The following PRUNE2 variants were observed in gnomAD, a reference collection of about 807,000 sequenced individuals.
PRUNE2 encodes protein prune homolog 2.
Under a neutral mutation model 252.0 loss-of-function variants are expected in PRUNE2, and 164 were observed. That is an observed-to-expected ratio of 0.65 (90% CI 0.57 to 0.74). The LOEUF (loss-of-function observed/expected upper bound fraction) is 0.74, where lower values mean the gene tolerates loss of function less well. Among genes scored for constraint, PRUNE2 ranks in the 30% least tolerant of loss-of-function variants. PRUNE2 has a pLI of 0.00. For synonymous variants in PRUNE2, 1,292 were observed against 1,350.2 expected (o/e 0.96, Z 0.94); for missense variants, 3,495 against 3,711.0 (o/e 0.94, Z 1.51).
At position 76,629,305 on chromosome 9, in the gene PRUNE2, A is replaced by G. The variant is rs1225077744; in HGVS notation, c.9051-15T>C. 4 of 1,356,650 alleles carry G rather than the reference A, an allele frequency of 2.9e-6. No homozygotes were observed. The highest frequency in any genetic ancestry group is 3.0e-5 in the African/African-American group (2 of 65,714). The allele number at this position is 1,356,650 out of a possible 1,614,324, so 84.0% of individuals were successfully genotyped here. Reference sequence around the variant, plus strand: ...TGAATTTTGAACTAAAAAAAAAAAAAAGAAAAAAATATGTATCATTAGTCA... The same window carrying G: ...TGAATTTTGAACTAAAAAAAAAAAAGAGAAAAAAATATGTATCATTAGTCA... On this transcript the variant is annotated splice_polypyrimidine_tract_variant and intron_variant, in intron 15 of 18. Transcript: ENST00000376718.
intron 9 of PRUNE2, among the ~76,000 whole-genome samples, chr9:76,693,439 CTTTTTTT>C (rs550030416): frequency 1.8e-4 from 19 of 108,022 alleles, no homozygotes; most frequent in African/African-American, 3.3e-4. Flanking sequence ...AGCACCTACT[CTTTTTTT>C]TTTTTTTTTT....
chr9:76,732,213 G>A (rs2048682310), intron 6 of PRUNE2, among the ~76,000 whole-genome samples: 1 of 152,180 alleles, frequency 6.6e-6, no homozygotes, highest in South Asian at 2.1e-4. Context: ...ACTGGGGGCT[G>A]AGGCAGGAGA....
intron 1 of PRUNE2, among the ~76,000 whole-genome samples, chr9:76,888,836 G>A (rs1253674415): frequency 6.6e-6 from 1 of 151,820 alleles, no homozygotes; most frequent in Non-Finnish European, 1.5e-5. Flanking sequence ...GCCTGTTAAT[G>A]TTTTTTGTTG....
chr9:76,789,121 C>A (rs748117834), intron 6 of PRUNE2, among the ~76,000 whole-genome samples: 10 of 152,148 alleles, frequency 6.6e-5, no homozygotes, highest in Non-Finnish European at 1.0e-4. Context: ...ACTTTGCATG[C>A]ACAGCTTCAA....
rs1452760330 is a variant in PRUNE2, at chr9:76,613,539, C to G, written c.*1031G>C. The G allele has an allele frequency of 6.6e-6, 1 of 152,224 alleles. No homozygotes were observed. Among genetic ancestry groups the G allele is most frequent in the Non-Finnish European group, 1.5e-5 (1 of 68,042 alleles). The allele number at this position is 152,224 out of a possible 1,614,324, so 9.4% of individuals were successfully genotyped here. A position where few individuals can be genotyped will look rare whatever the true frequency, so the allele number is the denominator to read the frequency against. ...TCTTAGCTTGCAGTGGTGAGCGAGA[C>G]TTAGCTGTGGTTTGCCACCCCACCT... is the stretch of plus-strand genomic sequence containing the variant. On this transcript the variant is annotated 3_prime_UTR_variant, in exon 19 of 19. Transcript: ENST00000376718.
At chr9:76,615,779 T>TTTTC (rs759272931) in intron 18 of PRUNE2, among the ~76,000 whole-genome samples, 1 of 140,374 alleles carries the variant, frequency 7.1e-6, no homozygotes, top group African/African-American at 2.6e-5. Flanking sequence ...GTTTTTTTTT[T>TTTTC]TTTTTTTTTG....
chr9:76,668,987 T>A (rs2040774046), intron 9 of PRUNE2, among the ~76,000 whole-genome samples: 1 of 151,222 alleles, frequency 6.6e-6, no homozygotes, highest in Admixed American at 6.6e-5. Flanking sequence ...TTCACAGTCA[T>A]CCCTCTGTGT....
intron 9 of PRUNE2, among the ~76,000 whole-genome samples, chr9:76,668,870 C>A (rs1679825228): frequency 6.7e-6 from 1 of 149,854 alleles, no homozygotes; most frequent in South Asian, 2.3e-4. Context: ...GAAATTTACT[C>A]GCTCACAATT....
chr9:76,697,891 A>G (rs2045536573), intron 9 of PRUNE2, among the ~76,000 whole-genome samples: 1 of 152,102 alleles, frequency 6.6e-6, no homozygotes, highest in Non-Finnish European at 1.5e-5. Context: ...AAAATAATCT[A>G]TTTGTCAGTC....
chr9:76,745,000 C>G (rs954311915), intron 6 of PRUNE2, among the ~76,000 whole-genome samples: 3 of 152,180 alleles, frequency 2.0e-5, no homozygotes, highest in Admixed American at 1.3e-4. Flanking sequence ...CAAGCCTTAC[C>G]ATGACCATAC....
chr9:76,804,659 G>A (rs1053957376), intron 6 of PRUNE2, among the ~76,000 whole-genome samples: 1 of 152,178 alleles, frequency 6.6e-6, no homozygotes, highest in Non-Finnish European at 1.5e-5. Flanking sequence ...CTGACTTCCT[G>A]TTAGTTTCAG....
chr9:76,619,490 A>T, intron 17 of PRUNE2, 103 bp from the exon 18 acceptor site: 1 of 761,574 alleles, frequency 1.3e-6, no homozygotes, highest in Non-Finnish European at 2.3e-6. Context: ...ATGTGGTCCC[A>T]TTGCTAATAC....
chr9:76,703,911 C>G lies in PRUNE2; in HGVS notation c.7702G>C (p.Glu2568Gln), dbSNP rs1275930962. ...TCTAATTCAGCTATGCTTTCTCTTT[C>G]TTCACAGGTCTCTGGCTTTGAGTGT... Reference protein sequence around the residue: ...NSHSKPETCEERESIAELELY... With the variant: ...NSHSKPETCEQRESIAELELY... The change falls in exon 9 of 19, where the codon GAA (glutamate) becomes CAA (glutamine). Residue 2568 changes from glutamate to glutamine, a missense_variant. Coordinates refer to ENST00000376718, the MANE Select transcript of PRUNE2 (RefSeq NM_015225.3). The G allele has an allele frequency of 1.9e-6, 3 of 1,613,622 alleles. No individual in the cohort carries two copies. The African/African-American group carries it at 4.0e-5, about 22-fold the overall frequency.
chr9:76,664,998 C>T (rs1039783187), intron 9 of PRUNE2, among the ~76,000 whole-genome samples: 1 of 152,160 alleles, frequency 6.6e-6, no homozygotes, highest in Non-Finnish European at 1.5e-5. Context: ...CTCTCCACTC[C>T]ATTCTCACTA....
At chr9:76,732,834 T>C (rs2135443633) in intron 6 of PRUNE2, among the ~76,000 whole-genome samples, 1 of 152,334 alleles carries the variant, frequency 6.6e-6, no homozygotes, top group South Asian at 2.1e-4. Context: ...TTCATGTCTG[T>C]ATGTCTGTAT....
chr9:76,654,241 A>ATATT (rs1348942442), intron 10 of PRUNE2, among the ~76,000 whole-genome samples: 2 of 152,170 alleles, frequency 1.3e-5, no homozygotes, highest in African/African-American at 4.8e-5. Flanking sequence ...TAAGCACGAA[A>ATATT]TATTTTGAAG....
chr9:76,614,950 A>C, intron 18 of PRUNE2: 1 of 309,214 alleles, frequency 3.2e-6, no homozygotes, highest in Non-Finnish European at 5.0e-6. Flanking sequence ...TTATTTAATA[A>C]GTGACCTTTC....
rs547180545 is a variant in PRUNE2 at position 76,639,846 on chromosome 9, A to G, written c.8729-1558T>C. Among the ~76,000 whole-genome samples, 4 of 152,332 alleles carry G rather than the reference A, an allele frequency of 2.6e-5. No individual in the cohort carries two copies. The South Asian group carries it at 8.3e-4, about 32-fold the overall frequency. On this transcript the variant is annotated intron_variant, in intron 12 of 18. Coordinates refer to ENST00000376718, the MANE Select transcript of PRUNE2 (RefSeq NM_015225.3). ...ATTGAAACTCCGGGGGTCAAGGAACATGTAGATACATCTCAGGACACCATT... is the reference window on the plus strand; with the variant it reads ...ATTGAAACTCCGGGGGTCAAGGAACGTGTAGATACATCTCAGGACACCATT...
intron 12 of PRUNE2, among the ~76,000 whole-genome samples, chr9:76,640,632 ATGAAGGAAAATGGCAGGAGGAGACATAT>A (rs1842185170): frequency 6.6e-6 from 1 of 152,214 alleles, no homozygotes; most frequent in Admixed American, 6.5e-5. Flanking sequence ...AGAATGCAAT[ATGAAGGAAAATGGCAGGAGGAGACATAT>A]CTTAATACAA....
Sources: allele counts gnomAD v4.1 joint callset (sites outside exome capture counted in the v4.1 genomes callset), GRCh38; gene constraint gnomAD v4.1.1; transcripts MANE v1.5; gene names NCBI Gene and HGNC (gene_info 2026-07-23, HGNC 2026-07-21).